LTBP1: variants seen among roughly 807,000 people sequenced by gnomAD.
The protein encoded by LTBP1 is latent transforming growth factor beta binding protein 1.
A neutral mutation model predicts 207.6 loss-of-function variants in LTBP1; 129 were observed. The ratio of observed to expected loss-of-function variants is 0.62; its 90% CI spans 0.54 to 0.72. LTBP1 has a LOEUF of 0.72. LTBP1 is among the 30% of genes least tolerant of loss of function. LTBP1 has a pLI of 0.00. For synonymous variants in LTBP1, 963 were observed against 833.7 expected (o/e 1.16, Z -2.67); for missense variants, 2,281 against 2,217.2 (o/e 1.03, Z -0.58).
intron 23 of LTBP1, 23 bp downstream of exon 23, chr2:33,309,579 C>G: frequency 6.3e-7 from 1 of 1,598,256 alleles, no homozygotes. Flanking sequence ...CTTTTTTCCC[C>G]AGTCATTATT....
At chr2:33,346,648 G>A (rs1400289136) in intron 25 of LTBP1, among the ~76,000 whole-genome samples, 1 of 151,442 alleles carries the variant, frequency 6.6e-6, no homozygotes, top group African/African-American at 2.4e-5. Flanking sequence ...TCACGGCACT[G>A]CACTCCAGCC....
intron 3 of LTBP1, among the ~76,000 whole-genome samples, chr2:33,082,917 C>A (rs2078530725): frequency 6.6e-6 from 1 of 152,072 alleles, no homozygotes; most frequent in African/African-American, 2.4e-5. Context: ...TCACTGGTGG[C>A]TAATGCAAGG....
chr2:33,059,270 A>T, intron 3 of LTBP1, among the ~76,000 whole-genome samples: 1 of 152,216 alleles, frequency 6.6e-6, no homozygotes, highest in Non-Finnish European at 1.5e-5. Context: ...ATTAGTGCTT[A>T]TGATGATGAT....
chr2:33,271,235 C>A (rs766581341), intron 15 of LTBP1, among the ~76,000 whole-genome samples: 53 of 152,056 alleles, frequency 3.5e-4, no homozygotes, highest in Non-Finnish European at 6.8e-4. Flanking sequence ...TCATGAAAAC[C>A]CCAGATTTAT....
chr2:33,119,176 T>TC (rs1553413661), intron 4 of LTBP1, among the ~76,000 whole-genome samples: 1 of 151,502 alleles, frequency 6.6e-6, no homozygotes, highest in Non-Finnish European at 1.5e-5. Context: ...ATTTTTTTTT[T>TC]CCCTAGGGAA....
intron 5 of LTBP1, among the ~76,000 whole-genome samples, chr2:33,155,158 C>T (rs1470750715): frequency 6.6e-6 from 1 of 151,994 alleles, no homozygotes; most frequent in Non-Finnish European, 1.5e-5. Context: ...AGATTATTAT[C>T]ATTATTATTA....
intron 9 of LTBP1, among the ~76,000 whole-genome samples, chr2:33,239,749 A>AT (rs2092228624): frequency 1.3e-5 from 2 of 150,654 alleles, no homozygotes; most frequent in Non-Finnish European, 3.0e-5. Flanking sequence ...AAAAAAAAAA[A>AT]AAAAATTAGC....
At chr2:32,949,711 C>G (rs1250997757) in intron 2 of LTBP1, among the ~76,000 whole-genome samples, 1 of 152,172 alleles carries the variant, frequency 6.6e-6, no homozygotes, top group Non-Finnish European at 1.5e-5. Context: ...GTGAAGCATT[C>G]TTAGTTGTTC....
chr2:33,044,254 T>C (rs1274994123), intron 3 of LTBP1, among the ~76,000 whole-genome samples: 2 of 152,072 alleles, frequency 1.3e-5, no homozygotes, highest in African/African-American at 4.8e-5. Flanking sequence ...CCTAATGCTA[T>C]CCCTCCCCTA....
At chr2:33,391,544 C>T (rs762558512) in intron 32 of LTBP1, among the ~76,000 whole-genome samples, 2 of 152,152 alleles carry the variant, frequency 1.3e-5, no homozygotes, top group Non-Finnish European at 2.9e-5. Context: ...CTGACAATCC[C>T]GTGGCTTACA....
At position 33,121,687 on chromosome 2, in the gene LTBP1, C is replaced by T. The variant is rs76033592; in HGVS notation, c.1033+10936C>T. The stretch of plus-strand genomic sequence containing the variant: ...TCTGCTTTACTTTAGAAGGTTACGG[C>T]GTAATCCTCCCCCAAACAAAATCTT... On this transcript the variant is annotated intron_variant, in intron 4 of 33. Transcript: ENST00000404816. Among the ~76,000 whole-genome samples the T allele has an allele frequency of 7.8e-3, 1,181 of 152,266 alleles. 14 individuals are homozygous for T. Among genetic ancestry groups the T allele is most frequent in the African/African-American group, 0.027 (1,115 of 41,532 alleles).
chr2:33,300,572 A>G lies in LTBP1; in HGVS notation c.3357A>G (p.Glu1119=). 6.2e-7 allele frequency: 1 copy of G among 1,612,716 alleles called. No homozygotes were observed. The highest frequency in any genetic ancestry group is 8.5e-7 in the Non-Finnish European group (1 of 1,179,122). Reference sequence around the variant, plus strand: ...TGTCGGCAGCTAAAGACCAGTGTGAAGGTAAGAGGGTAGTAACATGAACTA... The same window carrying G: ...TGTCGGCAGCTAAAGACCAGTGTGAGGGTAAGAGGGTAGTAACATGAACTA... The part of the protein sequence containing the change: ...YQLSAAKDQC[E]DIDECQHRHL... The change falls in exon 21 of 34, where the codon GAA becomes GAG. Residue 1119 remains glutamate, a splice_region_variant and synonymous_variant. Transcript: ENST00000404816.
chr2:33,126,782 T>G (rs1358037659), intron 4 of LTBP1, among the ~76,000 whole-genome samples: 1 of 152,164 alleles, frequency 6.6e-6, no homozygotes, highest in Non-Finnish European at 1.5e-5. Flanking sequence ...TTGGGGCCAT[T>G]GGATGCAGTC....
chr2:33,310,070 C>T (rs997205061), intron 23 of LTBP1, among the ~76,000 whole-genome samples: 1 of 151,762 alleles, frequency 6.6e-6, no homozygotes, highest in Non-Finnish European at 1.5e-5. Context: ...GCCTCAGCTT[C>T]CTGAGTAGCT....
At chr2:33,326,089 AAC>A (rs1553502627) in intron 24 of LTBP1, among the ~76,000 whole-genome samples, 2 of 152,014 alleles carry the variant, frequency 1.3e-5, no homozygotes, top group East Asian at 1.9e-4. Flanking sequence ...TAAAAAAAAA[AAC>A]AGTGTTTTGT....
chr2:33,323,473 C>A (rs956823027), intron 24 of LTBP1, among the ~76,000 whole-genome samples: 4 of 152,228 alleles, frequency 2.6e-5, no homozygotes, highest in African/African-American at 9.6e-5. Flanking sequence ...CCCATCTCTA[C>A]TAAAAATGCA....
chr2:33,048,976 T>A (rs2076587120), intron 3 of LTBP1, among the ~76,000 whole-genome samples: 1 of 152,214 alleles, frequency 6.6e-6, no homozygotes, highest in South Asian at 2.1e-4. Flanking sequence ...CTTGTTGCCC[T>A]GCAGATAATT....
chr2:33,331,405 A>T (rs914405655), intron 24 of LTBP1, among the ~76,000 whole-genome samples: 3 of 151,980 alleles, frequency 2.0e-5, no homozygotes, highest in Non-Finnish European at 4.4e-5. Context: ...AAGTTTTGAT[A>T]TGTTGTATTT....
chr2:33,292,208 C>G (rs1167717545), intron 19 of LTBP1, among the ~76,000 whole-genome samples: 2 of 152,126 alleles, frequency 1.3e-5, no homozygotes, highest in African/African-American at 4.8e-5. Flanking sequence ...GTAGTAGGGA[C>G]TTAATATTTT....
Sources: gnomAD v4.1 joint callset for allele counts (sites outside exome capture counted in the v4.1 genomes callset) on GRCh38, gnomAD v4.1.1 for gene constraint, MANE v1.5 for transcripts, NCBI Gene and HGNC (gene_info 2026-07-23, HGNC 2026-07-21) for gene names.